Variants in PLAAT1 observed in about 807,000 individuals in gnomAD.
PLAAT1 encodes the protein H-REV107 protein-related protein.
In PLAAT1, 13 loss-of-function variants were observed where a neutral mutation model predicts 16.4. The ratio of observed to expected loss-of-function variants is 0.79; its 90% CI spans 0.52 to 1.26. The LOEUF is 1.26. Ranked by LOEUF, PLAAT1 falls within the 50% of genes most tolerant of loss-of-function variation. The pLI is 0.00. For missense variants in PLAAT1, 218 were observed against 207.8 expected (o/e 1.05, Z -0.30); for synonymous variants, 73 against 78.4 (o/e 0.93, Z 0.36).
chr3:193,270,069 A>AACACACACAC (rs1553807457), intron 3 of PLAAT1, among the ~76,000 whole-genome samples: 16 of 147,992 alleles, frequency 1.1e-4, no homozygotes, highest in Admixed American at 2.0e-4. Context: ...ACATCCCTGA[A>AACACACACAC]ACACACACAC....
In PLAAT1 at chr3:193,255,867, TAAACA is replaced by T; in HGVS notation, c.139+87_139+91del. The stretch of plus-strand genomic sequence containing the variant: ...CAGGAAGTAATCATGGGTGAAATAA[TAAACA>T]AAACAAAATCGAAATAAAATATAGA... On this transcript the variant is annotated intron_variant, in intron 2 of 3. Transcript: ENST00000264735. The T allele has an allele frequency of 4.0e-6, 5 of 1,235,622 alleles. No individual in the cohort carries two copies. The East Asian group carries it at 8.0e-5, about 20-fold the overall frequency. 76.5% of individuals were successfully genotyped at this position (1,235,622 alleles called of 1,614,324 possible). A position where few individuals can be genotyped will look rare whatever the true frequency, so the allele number is the denominator to read the frequency against.
At chr3:193,271,258 T>C (rs1361772222), downstream of PLAAT1, among the ~76,000 whole-genome samples, 1 of 145,020 alleles carries the variant, frequency 6.9e-6, no homozygotes, top group Non-Finnish European at 1.5e-5. Flanking sequence ...GAGGAGAGGC[T>C]GTTTGCTCCA....
At chr3:193,256,449 A>G (rs1245314261) in intron 2 of PLAAT1, among the ~76,000 whole-genome samples, 1 of 152,188 alleles carries the variant, frequency 6.6e-6, no homozygotes, top group African/African-American at 2.4e-5. Flanking sequence ...ATCCCAGGTC[A>G]AGGGGACAGC....
downstream of PLAAT1, chr3:193,275,064 T>C (rs1440979319): frequency 1.2e-6 from 2 of 1,614,096 alleles, no homozygotes; most frequent in Non-Finnish European, 1.7e-6. Flanking sequence ...CCAGAAATGC[T>C]GTTCTGTGGG....
Position 193,241,342 on chromosome 3 carries a change from T to C in PLAAT1, c.-192T>C, listed in dbSNP as rs1715732588. The C allele has an allele frequency of 8.1e-7, 1 of 1,231,414 alleles. No individual in the cohort carries two copies. The highest frequency in any genetic ancestry group is 1.0e-6 in the Non-Finnish European group (1 of 987,766). The allele number at this position is 1,231,414 out of a possible 1,614,324, so 76.3% of individuals were successfully genotyped here. A position where few individuals can be genotyped will look rare whatever the true frequency, so the allele number is the denominator to read the frequency against. ...CGGGACCGTTTCAGCGTGGCGGCGC[T>C]GGTGCTGGCGTTGGCCCTGGAGGAC... On this transcript the variant is annotated 5_prime_UTR_variant, in exon 1 of 4. Transcript: ENST00000264735.
intron 2 of PLAAT1, among the ~76,000 whole-genome samples, chr3:193,258,422 A>G (rs887543586): frequency 6.6e-6 from 1 of 152,176 alleles, no homozygotes. Context: ...AGAAAAACTG[A>G]AAGAAATGGA....
At chr3:193,273,295 CT>C (rs1717049154), downstream of PLAAT1, among the ~76,000 whole-genome samples, 1 of 152,098 alleles carries the variant, frequency 6.6e-6, no homozygotes, top group Non-Finnish European at 1.5e-5. Context: ...CTTTTTAAAA[CT>C]TTTGTCTTGT....
downstream of PLAAT1, among the ~76,000 whole-genome samples, chr3:193,278,929 T>A (rs1717352373): frequency 6.6e-6 from 1 of 152,214 alleles, no homozygotes; most frequent in East Asian, 1.9e-4. Context: ...TCAAATTATA[T>A]CCACTGATAT....
At chr3:193,257,820 A>G (rs1355230802) in intron 2 of PLAAT1, among the ~76,000 whole-genome samples, 2 of 152,138 alleles carry the variant, frequency 1.3e-5, no homozygotes, top group Non-Finnish European at 2.9e-5. Context: ...GAACGTGGAA[A>G]AATTACACTG....
intron 2 of PLAAT1, among the ~76,000 whole-genome samples, chr3:193,258,567 A>G (rs1272866173): frequency 6.6e-6 from 1 of 152,150 alleles, no homozygotes; most frequent in African/African-American, 2.4e-5. Flanking sequence ...CAAAAATGAC[A>G]TTATAACCAG....
At chr3:193,244,225 C>G (rs1371420339) in intron 1 of PLAAT1, among the ~76,000 whole-genome samples, 2 of 152,014 alleles carry the variant, frequency 1.3e-5, no homozygotes, top group African/African-American at 2.4e-5. Context: ...GGCTATAAAT[C>G]TTCATTGTCT....
chr3:193,267,617 G>A (rs1363963816), intron 3 of PLAAT1, among the ~76,000 whole-genome samples: 1 of 152,124 alleles, frequency 6.6e-6, no homozygotes, highest in Non-Finnish European at 1.5e-5. Flanking sequence ...ACCCACTGAA[G>A]GACGTCTTGG....
chr3:193,241,528 A>T lies in PLAAT1; in HGVS notation c.-6A>T, dbSNP rs901256013. 18 of 1,231,728 alleles carry T rather than the reference A, an allele frequency of 1.5e-5. No individual in the cohort carries two copies. Among genetic ancestry groups the T allele is most frequent in the Non-Finnish European group, 1.7e-5 (17 of 988,156 alleles). 76.3% of individuals were successfully genotyped at this position (1,231,728 alleles called of 1,614,324 possible). A position where few individuals can be genotyped will look rare whatever the true frequency, so the allele number is the denominator to read the frequency against. ...TGCGAGAAGAAGACCCCGGCTTGAGAGTGAGGTGTGCTGGGCGGAGTGGGG... is the reference window on the plus strand; with the variant it reads ...TGCGAGAAGAAGACCCCGGCTTGAGTGTGAGGTGTGCTGGGCGGAGTGGGG... On this transcript the variant is annotated 5_prime_UTR_variant, in exon 1 of 4. Transcript: ENST00000264735.
intron 1 of PLAAT1, among the ~76,000 whole-genome samples, chr3:193,245,133 C>T (rs1715931242): frequency 1.3e-5 from 2 of 152,190 alleles, no homozygotes; most frequent in African/African-American, 4.8e-5. Context: ...CAATAAATCA[C>T]TAAAACCTAC....
At chr3:193,243,966 T>A (rs1715876919) in intron 1 of PLAAT1, among the ~76,000 whole-genome samples, 1 of 152,244 alleles carries the variant, frequency 6.6e-6, no homozygotes, top group East Asian at 1.9e-4. Flanking sequence ...AATGATATAG[T>A]GTGTGACCCT....
intron 3 of PLAAT1, among the ~76,000 whole-genome samples, chr3:193,268,782 A>G (rs1046667451): frequency 6.6e-6 from 1 of 152,154 alleles, no homozygotes; most frequent in East Asian, 1.9e-4. Context: ...CAGGTTGCCC[A>G]TCCCCCAACC....
At chr3:193,256,943 C>A (rs1447884791) in intron 2 of PLAAT1, among the ~76,000 whole-genome samples, 2 of 152,110 alleles carry the variant, frequency 1.3e-5, no homozygotes, top group African/African-American at 4.8e-5. Context: ...ATCTTCATTG[C>A]ATCATGGAGG....
downstream of PLAAT1, among the ~76,000 whole-genome samples, chr3:193,271,799 C>G (rs1716989311): frequency 6.6e-6 from 1 of 152,022 alleles, no homozygotes; most frequent in African/African-American, 2.4e-5. Context: ...GAACAGAGGA[C>G]TCGGTGAAAG....
intron 3 of PLAAT1, among the ~76,000 whole-genome samples, chr3:193,265,922 G>A (rs1254324023): frequency 6.6e-6 from 1 of 152,112 alleles, no homozygotes; most frequent in East Asian, 1.9e-4. Context: ...GTTGTTCACT[G>A]CACTAACCAA....
Sources: allele counts gnomAD v4.1 joint callset (sites outside exome capture counted in the v4.1 genomes callset), GRCh38; gene constraint gnomAD v4.1.1; transcripts MANE v1.5; gene names NCBI Gene and HGNC (gene_info 2026-07-23, HGNC 2026-07-21).